EYS: variants seen among roughly 807,000 people sequenced by gnomAD.
EYS encodes protein eyes shut homolog.
In EYS, 250 loss-of-function variants were observed where a neutral mutation model predicts 282.1. The observed-to-expected ratio is 0.89, with a 90% CI of 0.80 to 0.98. The LOEUF (loss-of-function observed/expected upper bound fraction) is 0.98. Among genes scored for constraint, EYS ranks in the 50% least tolerant of loss-of-function variants. The pLI is 0.00. For synonymous variants in EYS, 1,355 were observed against 1,282.9 expected (o/e 1.06, Z -1.20); for missense variants, 4,016 against 3,709.0 (o/e 1.08, Z -2.15).
intron 30 of EYS, among the ~76,000 whole-genome samples, chr6:64,262,256 A>G (rs1767613615): frequency 6.6e-6 from 1 of 151,906 alleles, no homozygotes; most frequent in Non-Finnish European, 1.5e-5. Context: ...CACAGAGGAG[A>G]CTAATTTCAT....
chr6:65,185,339 C>G (rs184475445), intron 12 of EYS, among the ~76,000 whole-genome samples: 2 of 151,914 alleles, frequency 1.3e-5, no homozygotes, highest in African/African-American at 4.8e-5. Flanking sequence ...TCAGAACACT[C>G]AGACTCACAT....
chr6:64,428,485 C>T (rs538607717), intron 28 of EYS, among the ~76,000 whole-genome samples: 1 of 152,196 alleles, frequency 6.6e-6, no homozygotes, highest in South Asian at 2.1e-4. Context: ...ACTAGAACCT[C>T]TCTTATCAGG....
In EYS at chr6:64,426,091, C is replaced by T. The variant is rs1052475801; in HGVS notation, c.5927+10083G>A. Among the ~76,000 whole-genome samples, 113 of 151,938 alleles carry T rather than the reference C, an allele frequency of 7.4e-4. 1 individual carries two copies. Among genetic ancestry groups the T allele is most frequent in the African/African-American group, 2.6e-3 (108 of 41,456 alleles). Reference sequence around the variant, plus strand: ...TAATTGGTCACCGAGATAGGAGAAACACCAACAACTTACTCTTTTTGAAGC... The same window carrying T: ...TAATTGGTCACCGAGATAGGAGAAATACCAACAACTTACTCTTTTTGAAGC... On this transcript the variant is annotated intron_variant, in intron 28 of 42. Transcript: ENST00000503581.
intron 33 of EYS, among the ~76,000 whole-genome samples, chr6:64,058,657 C>T (rs532964491): frequency 4.4e-4 from 67 of 152,244 alleles, no homozygotes; most frequent in African/African-American, 1.6e-3. Flanking sequence ...CTCTGACCCC[C>T]ATCAATTATT....
intron 31 of EYS, among the ~76,000 whole-genome samples, chr6:64,103,988 T>C (rs756227023): frequency 4.6e-5 from 7 of 152,012 alleles, no homozygotes; most frequent in Non-Finnish European, 8.8e-5. Flanking sequence ...TGGATAATGA[T>C]TGAGACAGAA....
At chr6:65,560,209 ATAT>A (rs1303783425) in intron 2 of EYS, among the ~76,000 whole-genome samples, 1 of 117,478 alleles carries the variant, frequency 8.5e-6, no homozygotes, top group Non-Finnish European at 1.7e-5. Context: ...ACTTATATTT[ATAT>A]TATAAAATAT....
intron 31 of EYS, among the ~76,000 whole-genome samples, chr6:64,139,502 A>G (rs935947682): frequency 6.6e-6 from 1 of 152,176 alleles, no homozygotes; most frequent in Non-Finnish European, 1.5e-5. Flanking sequence ...AGTAAGTTAT[A>G]GTCAGAAAGT....
chr6:64,859,580 C>G (rs1349651366), intron 19 of EYS, among the ~76,000 whole-genome samples: 1 of 152,088 alleles, frequency 6.6e-6, no homozygotes, highest in Non-Finnish European at 1.5e-5. Context: ...GTGTTGCTCT[C>G]ATTATACTGA....
intron 26 of EYS, among the ~76,000 whole-genome samples, chr6:64,442,188 T>C (rs918005999): frequency 1.3e-5 from 2 of 152,134 alleles, no homozygotes; most frequent in Non-Finnish European, 2.9e-5. Context: ...GGAGCAAAGG[T>C]GACCCTTGTT....
At chr6:64,018,241 AAC>A (rs1768989412) in intron 33 of EYS, among the ~76,000 whole-genome samples, 1 of 152,218 alleles carries the variant, frequency 6.6e-6, no homozygotes, top group African/African-American at 2.4e-5. Flanking sequence ...AACGTAAATT[AAC>A]ACAGTTTCCT....
intron 22 of EYS, among the ~76,000 whole-genome samples, chr6:64,698,707 C>A (rs1327049052): frequency 6.6e-6 from 1 of 151,960 alleles, no homozygotes; most frequent in East Asian, 1.9e-4. Flanking sequence ...AAACATGTGG[C>A]AAACAAGCAT....
chr6:63,986,269 A>G (rs985372651), intron 34 of EYS, among the ~76,000 whole-genome samples: 1 of 151,904 alleles, frequency 6.6e-6, no homozygotes, highest in Non-Finnish European at 1.5e-5. Flanking sequence ...AAGTAAAAAA[A>G]TAACAGACGC....
chr6:64,688,681 T>C (rs902192904), intron 22 of EYS, among the ~76,000 whole-genome samples: 2 of 152,208 alleles, frequency 1.3e-5, no homozygotes, highest in African/African-American at 4.8e-5. Flanking sequence ...AGTGTGGTGC[T>C]GAGAAGAATG....
chr6:64,901,693 C>T (rs974191355), intron 18 of EYS, among the ~76,000 whole-genome samples: 1 of 151,698 alleles, frequency 6.6e-6, no homozygotes, highest in African/African-American at 2.4e-5. Context: ...GCAAATAGTC[C>T]AAATATCTAT....
chr6:64,616,100 A>T (rs560737261), intron 24 of EYS, among the ~76,000 whole-genome samples: 2 of 152,180 alleles, frequency 1.3e-5, no homozygotes, highest in African/African-American at 4.8e-5. Context: ...TTATGAAAAC[A>T]TATCATATGT....
intron 19 of EYS, among the ~76,000 whole-genome samples, chr6:64,885,624 T>C (rs1767061950): frequency 6.6e-6 from 1 of 151,828 alleles, no homozygotes; most frequent in Admixed American, 6.6e-5. Context: ...ATGTTTCTTG[T>C]ATATTATATG....
chr6:64,309,044 AATATT>A, intron 29 of EYS, among the ~76,000 whole-genome samples: 1 of 152,188 alleles, frequency 6.6e-6, no homozygotes, highest in Non-Finnish European at 1.5e-5. Context: ...TGTCTCCTGA[AATATT>A]ATAGTTTACT....
intron 31 of EYS, among the ~76,000 whole-genome samples, chr6:64,184,864 T>G (rs990333415): frequency 3.3e-5 from 5 of 151,818 alleles, no homozygotes; most frequent in African/African-American, 1.2e-4. Context: ...CAATGCTATT[T>G]GTTTATGTAA....
At chr6:65,516,690 T>C (rs1343710321) in intron 2 of EYS, among the ~76,000 whole-genome samples, 1 of 152,082 alleles carries the variant, frequency 6.6e-6, no homozygotes, top group Non-Finnish European at 1.5e-5. Context: ...TCGAAATTAG[T>C]ACAAATATTT....
Sources: allele counts gnomAD v4.1 joint callset (sites outside exome capture counted in the v4.1 genomes callset), GRCh38; gene constraint gnomAD v4.1.1; transcripts MANE v1.5; gene names NCBI Gene and HGNC (gene_info 2026-07-23, HGNC 2026-07-21).